The following AGBL4 variants were observed in gnomAD, a reference collection of about 807,000 sequenced individuals.
AGBL4 encodes the protein AGBL carboxypeptidase 4.
Under a neutral mutation model 66.4 loss-of-function variants are expected in AGBL4, and 58 were observed. The ratio of observed to expected loss-of-function variants is 0.87; its 90% CI spans 0.71 to 1.09. AGBL4 has a LOEUF of 1.09. Ranked by LOEUF, AGBL4 falls within the 50% of genes least tolerant of loss-of-function variation. The pLI is 0.00. For synonymous variants in AGBL4, 234 were observed against 222.9 expected, an observed-to-expected ratio of 1.05 and a Z score of -0.44; for missense variants, 579 against 631.0, an observed-to-expected ratio of 0.92 and a Z score of 0.88.
chr1:49,426,411 AT>A (rs1645660280), intron 3 of AGBL4, among the ~76,000 whole-genome samples: 5 of 152,202 alleles, frequency 3.3e-5, no homozygotes, highest in Non-Finnish European at 7.3e-5. Context: ...CCCTTTCTCC[AT>A]TTATCTCCTG....
intron 3 of AGBL4, among the ~76,000 whole-genome samples, chr1:49,536,750 A>AT (rs1403457371): frequency 2.0e-5 from 3 of 152,210 alleles, no homozygotes; most frequent in African/African-American, 7.2e-5. Context: ...ATAAAGCCAC[A>AT]TATTTACATC....
intron 3 of AGBL4, among the ~76,000 whole-genome samples, chr1:49,449,362 AG>A (rs1186704791): frequency 1.3e-5 from 2 of 152,012 alleles, no homozygotes; most frequent in Admixed American, 6.6e-5. Flanking sequence ...CATATAATTA[AG>A]TCACTCAAGA....
chr1:48,628,038 A>G (rs1470036545), intron 9 of AGBL4, among the ~76,000 whole-genome samples: 1 of 152,186 alleles, frequency 6.6e-6, no homozygotes, highest in African/African-American at 2.4e-5. Context: ...AATTTTCTAA[A>G]GCATGCATTG....
At chr1:49,256,015 A>G (rs919921313) in intron 3 of AGBL4, among the ~76,000 whole-genome samples, 2 of 152,084 alleles carry the variant, frequency 1.3e-5, no homozygotes, top group African/African-American at 4.8e-5. Flanking sequence ...GGGAGAGTAA[A>G]AAGTGGGAGA....
chr1:48,587,060 AAGG>A lies in AGBL4; in HGVS notation c.1208_1210del (p.Ser403del), dbSNP rs772973813. On this transcript the variant is annotated inframe_deletion, in exon 11 of 14. Transcript: ENST00000371839. Reference sequence around the variant, plus strand: ...GGTGCCACTGATGATGTAGCTGTAGAAGGAGACCTCTAGGGTGTAGCAATAGGA... The same window carrying A: ...GGTGCCACTGATGATGTAGCTGTAGAAGACCTCTAGGGTGTAGCAATAGGA... The A allele has an allele frequency of 1.1e-5, 17 of 1,607,294 alleles. No homozygotes were observed. In the East Asian group the frequency reaches 3.8e-4, roughly 36 times the overall value.
chr1:49,947,695 CA>C lies in AGBL4; in HGVS notation c.34+76067del, dbSNP rs556715188. On this transcript the variant is annotated intron_variant, in intron 1 of 13. Transcript: ENST00000371839. ...TATAGTACTGGAAGTCCTACCAGAGCAATCAGACAAAAGAAAGAAATAAAGG... is the reference window on the plus strand; with the variant it reads ...TATAGTACTGGAAGTCCTACCAGAGCATCAGACAAAAGAAAGAAATAAAGG... Among the ~76,000 whole-genome samples, 14 of 151,122 alleles carry C rather than the reference CA, an allele frequency of 9.3e-5. No individual in the cohort carries two copies. In the East Asian group the frequency reaches 2.3e-3, roughly 25 times the overall value.
chr1:49,130,183 G>C (rs1398712224), intron 4 of AGBL4, among the ~76,000 whole-genome samples: 1 of 152,064 alleles, frequency 6.6e-6, no homozygotes, highest in African/African-American at 2.4e-5. Flanking sequence ...TTGTAAATTT[G>C]TTTGAGTTCT....
chr1:49,917,415 A>C (rs916835649), intron 1 of AGBL4, among the ~76,000 whole-genome samples: 1 of 152,132 alleles, frequency 6.6e-6, no homozygotes, highest in African/African-American at 2.4e-5. Context: ...GAAAACAAAA[A>C]AAGGCAGGGT....
intron 5 of AGBL4, among the ~76,000 whole-genome samples, chr1:48,867,568 C>T (rs1338423861): frequency 6.6e-6 from 1 of 152,136 alleles, no homozygotes; most frequent in African/African-American, 2.4e-5. Flanking sequence ...GTCATGGGCT[C>T]ATTCTTCTGT....
chr1:49,717,098 C>T (rs193236445), intron 2 of AGBL4, among the ~76,000 whole-genome samples: 15 of 152,132 alleles, frequency 9.9e-5, no homozygotes, highest in East Asian at 5.8e-4. Flanking sequence ...ACAAAATCAA[C>T]GTGCAAAAAT....
At chr1:49,939,624 C>G (rs540296646) in intron 1 of AGBL4, among the ~76,000 whole-genome samples, 1 of 152,078 alleles carries the variant, frequency 6.6e-6, no homozygotes, top group Admixed American at 6.6e-5. Context: ...ATTTAATAAA[C>G]GGTGCTTGGA....
chr1:48,637,802 A>G (rs1208840262), intron 8 of AGBL4, among the ~76,000 whole-genome samples: 1 of 152,138 alleles, frequency 6.6e-6, no homozygotes, highest in African/African-American at 2.4e-5. Flanking sequence ...ATTTTAGCTG[A>G]CTGCACCCCT....
chr1:49,474,826 G>A (rs572097313), intron 3 of AGBL4, among the ~76,000 whole-genome samples: 7 of 152,076 alleles, frequency 4.6e-5, no homozygotes, highest in African/African-American at 1.7e-4. Context: ...GAAATAACTG[G>A]AGTGTTGTAA....
chr1:49,746,604 G>A (rs1369656822), intron 2 of AGBL4, among the ~76,000 whole-genome samples: 5 of 151,932 alleles, frequency 3.3e-5, no homozygotes, highest in African/African-American at 7.2e-5. Context: ...ACATTGTGTG[G>A]GAAGGCAGGT....
intron 1 of AGBL4, among the ~76,000 whole-genome samples, chr1:49,978,681 A>G (rs547183000): frequency 3.7e-4 from 57 of 152,318 alleles, no homozygotes; most frequent in Non-Finnish European, 5.9e-4. Flanking sequence ...CACATATACC[A>G]TTTTAGTTAA....
At chr1:49,090,016 A>G (rs1475628021) in intron 4 of AGBL4, among the ~76,000 whole-genome samples, 2 of 152,218 alleles carry the variant, frequency 1.3e-5, no homozygotes, top group Non-Finnish European at 2.9e-5. Context: ...AGATGCAGAA[A>G]AAGCTTTTGA....
At chr1:49,595,359 G>T (rs1396293886) in intron 3 of AGBL4, among the ~76,000 whole-genome samples, 4 of 152,090 alleles carry the variant, frequency 2.6e-5, no homozygotes, top group Non-Finnish European at 5.9e-5. Context: ...AAAGTGCTAG[G>T]ATTACAGGCA....
intron 4 of AGBL4, among the ~76,000 whole-genome samples, chr1:49,063,705 G>A (rs1186552164): frequency 6.6e-6 from 1 of 152,146 alleles, no homozygotes; most frequent in Admixed American, 6.6e-5. Context: ...AAGAAGGGAT[G>A]GTAGGTTTGT....
At chr1:49,055,326 G>A (rs1351909668) in intron 4 of AGBL4, among the ~76,000 whole-genome samples, 1 of 151,916 alleles carries the variant, frequency 6.6e-6, no homozygotes, top group African/African-American at 2.4e-5. Flanking sequence ...AAATAAGGAA[G>A]TAACTGTATA....
Sources: gnomAD v4.1 joint callset for allele counts (sites outside exome capture counted in the v4.1 genomes callset) on GRCh38, gnomAD v4.1.1 for gene constraint, MANE v1.5 for transcripts, NCBI Gene and HGNC (gene_info 2026-07-23, HGNC 2026-07-21) for gene names.